SPMAP2L: variants seen among roughly 807,000 people sequenced by gnomAD.
SPMAP2L encodes the protein sperm microtubule associated protein 2-like.
the SPMAP2L span, among the ~76,000 whole-genome samples, chr4:56,537,714 C>CG: frequency 1.3e-5 from 2 of 150,146 alleles, no homozygotes; most frequent in Admixed American, 6.6e-5. Flanking sequence ...TTTTTTGAGA[C>CG]GAGTCTCGCT....
chr4:56,552,582 A>C, the SPMAP2L span: 2 of 1,527,502 alleles, frequency 1.3e-6, no homozygotes, highest in Non-Finnish European at 1.8e-6. Context: ...CAAATCTTTC[A>C]AAGCCTAAAA....
the SPMAP2L span, chr4:56,559,356 T>TA: frequency 5.2e-5 from 75 of 1,430,602 alleles, no homozygotes; most frequent in Non-Finnish European, 6.6e-5. Context: ...AGCAATCAAT[T>TA]TTTTTTTACC....
chr4:56,599,254 C>G, the SPMAP2L span, among the ~76,000 whole-genome samples: 2 of 152,060 alleles, frequency 1.3e-5, no homozygotes, highest in Admixed American at 6.6e-5. Flanking sequence ...GCTATCACAG[C>G]TTATTGTAGC....
chr4:56,531,195 C>G, the SPMAP2L span: 2 of 1,503,920 alleles, frequency 1.3e-6, no homozygotes, highest in Admixed American at 2.0e-5. Context: ...CCCTCGTCCC[C>G]TCTCCTGCTT....
the SPMAP2L span, among the ~76,000 whole-genome samples, chr4:56,566,297 C>G: frequency 6.6e-6 from 1 of 152,192 alleles, no homozygotes; most frequent in African/African-American, 2.4e-5. Flanking sequence ...CTTCCGGATT[C>G]AAGCAATTCT....
chr4:56,549,809 T>C, the SPMAP2L span, among the ~76,000 whole-genome samples: 1 of 152,250 alleles, frequency 6.6e-6, no homozygotes, highest in Non-Finnish European at 1.5e-5. Context: ...GTAAGATGTA[T>C]GTAAAACATA....
the SPMAP2L span, among the ~76,000 whole-genome samples, chr4:56,536,426 C>T: frequency 6.6e-6 from 1 of 152,192 alleles, no homozygotes; most frequent in African/African-American, 2.4e-5. Flanking sequence ...CCAAAAACAG[C>T]ATTATTGGCC....
At chr4:56,556,825 A>G in the SPMAP2L span, among the ~76,000 whole-genome samples, 2 of 152,106 alleles carry the variant, frequency 1.3e-5, no homozygotes, top group Admixed American at 1.3e-4. Context: ...CAGTGAGCCG[A>G]GATTGTGCCA....
the SPMAP2L span, among the ~76,000 whole-genome samples, chr4:56,582,539 T>C: frequency 1.3e-5 from 2 of 151,998 alleles, no homozygotes; most frequent in South Asian, 4.1e-4. Context: ...AGGATAATGA[T>C]AAGAAATAAT....
the SPMAP2L span, chr4:56,594,386 G>T: frequency 6.3e-7 from 1 of 1,579,830 alleles, no homozygotes; most frequent in East Asian, 2.2e-5. Context: ...GAAAGAATTT[G>T]CAAACATCCA....
chr4:56,602,883 T>C, the SPMAP2L span, among the ~76,000 whole-genome samples: 1 of 152,164 alleles, frequency 6.6e-6, no homozygotes, highest in Admixed American at 6.5e-5. Context: ...CAAATTATGT[T>C]ATGGTAAATG....
At chr4:56,593,578 A>G in the SPMAP2L span, 1 of 1,603,158 alleles carries the variant, frequency 6.2e-7, no homozygotes, top group African/African-American at 1.3e-5. Context: ...CACCGGGAGA[A>G]TTTGGGGTAG....
At chr4:56,570,136 G>A in the SPMAP2L span, among the ~76,000 whole-genome samples, 10 of 151,970 alleles carry the variant, frequency 6.6e-5, no homozygotes, top group South Asian at 2.1e-4. Flanking sequence ...GTTTTGATCC[G>A]TTAAGTCTCA....
At chr4:56,546,325 C>T in the SPMAP2L span, among the ~76,000 whole-genome samples, 1 of 152,126 alleles carries the variant, frequency 6.6e-6, no homozygotes, top group Non-Finnish European at 1.5e-5. Flanking sequence ...GCCAAAATTT[C>T]GTTCCGGGAA....
At chr4:56,558,945 T>C in the SPMAP2L span, among the ~76,000 whole-genome samples, 2 of 152,060 alleles carry the variant, frequency 1.3e-5, no homozygotes, top group Non-Finnish European at 2.9e-5. Context: ...ACTTCTTTCT[T>C]TTTTTTGAGA....
chr4:56,597,039 T>A, the SPMAP2L span, among the ~76,000 whole-genome samples: 1 of 152,208 alleles, frequency 6.6e-6, no homozygotes, highest in Non-Finnish European at 1.5e-5. Flanking sequence ...TGCTAAATGC[T>A]ATCAGGAAAA....
chr4:56,541,116 A>G, the SPMAP2L span, among the ~76,000 whole-genome samples: 1 of 152,242 alleles, frequency 6.6e-6, no homozygotes, highest in African/African-American at 2.4e-5. Flanking sequence ...GCCAATCACT[A>G]TGAACAAATG....
chr4:56,602,568 G>A, the SPMAP2L span, among the ~76,000 whole-genome samples: 2 of 152,078 alleles, frequency 1.3e-5, no homozygotes, highest in South Asian at 2.1e-4. Context: ...AGTGGTGCAC[G>A]TCTGTAGTCC....
chr4:56,625,468 T>A, the SPMAP2L span, among the ~76,000 whole-genome samples: 1 of 152,178 alleles, frequency 6.6e-6, no homozygotes, highest in South Asian at 2.1e-4. Flanking sequence ...GGTTTGGCTA[T>A]GTTCCCACCC....
Sources: gnomAD v4.1 joint callset for allele counts (sites outside exome capture counted in the v4.1 genomes callset) on GRCh38, gnomAD v4.1.1 for gene constraint, MANE v1.5 for transcripts, NCBI Gene and HGNC (gene_info 2026-07-23, HGNC 2026-07-21) for gene names.